NCOA2: variants seen among roughly 807,000 people sequenced by gnomAD.
NCOA2 encodes the protein nuclear receptor coactivator 2, also known as class E basic helix-loop-helix protein 75.
Under a neutral mutation model 145.1 loss-of-function variants are expected in NCOA2, and 21 were observed. That is an observed-to-expected ratio of 0.14 (90% CI 0.10 to 0.21). The LOEUF is 0.21. Among genes scored for constraint, NCOA2 ranks in the 10% least tolerant of loss-of-function variants. The pLI, the probability that NCOA2 is intolerant of heterozygous loss-of-function variation, is 1.00. For synonymous variants in NCOA2, 619 were observed against 637.5 expected (o/e 0.97, Z 0.44); for missense variants, 1,472 against 1,837.6 (o/e 0.80, Z 3.64).
intron 1 of NCOA2, chr8:70,402,402 G>T (rs1048122294): frequency 6.6e-6 from 1 of 152,464 alleles, no homozygotes; most frequent in Non-Finnish European, 1.5e-5. Flanking sequence ...AGCGGAAGGG[G>T]GCTCCAGTCC....
chr8:70,283,084 A>C (rs1826001065), intron 2 of NCOA2, among the ~76,000 whole-genome samples: 1 of 152,234 alleles, frequency 6.6e-6, no homozygotes, highest in African/African-American at 2.4e-5. Flanking sequence ...ATGCTGACTT[A>C]ACTCAGGATC....
At chr8:70,132,803 C>T (rs1177540194) in intron 15 of NCOA2, among the ~76,000 whole-genome samples, 4 of 152,156 alleles carry the variant, frequency 2.6e-5, no homozygotes, top group Non-Finnish European at 1.5e-5. Flanking sequence ...TGAGCTCAAG[C>T]GATCCACCCA....
intron 10 of NCOA2, among the ~76,000 whole-genome samples, chr8:70,158,713 C>T (rs746653945): frequency 1.3e-5 from 2 of 152,102 alleles, no homozygotes; most frequent in Non-Finnish European, 2.9e-5. Context: ...GATCGCGCCA[C>T]TGCACTCCAG....
At chr8:70,297,506 T>C (rs933814164) in intron 1 of NCOA2, among the ~76,000 whole-genome samples, 1 of 152,142 alleles carries the variant, frequency 6.6e-6, no homozygotes, top group African/African-American at 2.4e-5. Flanking sequence ...GCTAATCTTT[T>C]ATTTTTTGTA....
intron 2 of NCOA2, among the ~76,000 whole-genome samples, chr8:70,293,943 T>C (rs1826893058): frequency 6.6e-6 from 1 of 152,164 alleles, no homozygotes; most frequent in South Asian, 2.1e-4. Context: ...CACTCATAGA[T>C]ACAACTCTTT....
In NCOA2 at chr8:70,234,035, C is replaced by T. The variant is rs1278055449; in HGVS notation, c.-19-17271G>A. On this transcript the variant is annotated intron_variant, in intron 2 of 22. Coordinates refer to ENST00000452400, the MANE Select transcript of NCOA2 (RefSeq NM_006540.4). Reference sequence around the variant, plus strand: ...AATCCCCATTCTCTCCTCTCCCAGCCCCTCACAGCCACTGATCTACTCTCT... The same window carrying T: ...AATCCCCATTCTCTCCTCTCCCAGCTCCTCACAGCCACTGATCTACTCTCT... Among the ~76,000 whole-genome samples, 4 of 152,120 alleles carry T rather than the reference C, an allele frequency of 2.6e-5. No homozygotes were observed. In the South Asian group the frequency reaches 6.2e-4, roughly 24 times the overall value.
chr8:70,424,185 G>T, the NCOA2 span: 1 of 272,596 alleles, frequency 3.7e-6, no homozygotes, highest in Non-Finnish European at 7.1e-6. Flanking sequence ...TAATGTGCTG[G>T]CTTCAGACAC....
intron 15 of NCOA2, among the ~76,000 whole-genome samples, chr8:70,137,464 G>A (rs1450438050): frequency 6.6e-6 from 1 of 152,176 alleles, no homozygotes; most frequent in African/African-American, 2.4e-5. Flanking sequence ...AACAGGTGGT[G>A]GATTTAATTA....
chr8:70,183,735 C>T (rs1409024490), intron 4 of NCOA2, among the ~76,000 whole-genome samples: 1 of 152,234 alleles, frequency 6.6e-6, no homozygotes, highest in Non-Finnish European at 1.5e-5. Context: ...CGCCGTGCTT[C>T]TGTGATGCCC....
At chr8:70,304,980 CT>C (rs1315272864) in intron 1 of NCOA2, among the ~76,000 whole-genome samples, 3 of 151,578 alleles carry the variant, frequency 2.0e-5, no homozygotes, top group African/African-American at 7.3e-5. Context: ...TGTCGGCCTC[CT>C]GAGTAGCTAG....
chr8:70,147,125 CGCGTGTGT>C (rs1227948491), intron 12 of NCOA2, among the ~76,000 whole-genome samples: 55 of 145,406 alleles, frequency 3.8e-4, no homozygotes, highest in African/African-American at 1.0e-3. Context: ...CGCGCGCGCG[CGCGTGTGT>C]GTGTGTGTGT....
At chr8:70,247,909 T>A (rs1476909970) in intron 2 of NCOA2, among the ~76,000 whole-genome samples, 1 of 152,250 alleles carries the variant, frequency 6.6e-6, no homozygotes, top group Non-Finnish European at 1.5e-5. Flanking sequence ...TCAAGATGTA[T>A]TGCTGTTAGC....
At chr8:70,196,312 G>T (rs1817306541) in intron 4 of NCOA2, among the ~76,000 whole-genome samples, 1 of 152,140 alleles carries the variant, frequency 6.6e-6, no homozygotes, top group Admixed American at 6.5e-5. Context: ...GGAGGCGGAG[G>T]TTGCAGTGAG....
chr8:70,183,207 A>C (rs765430968), intron 4 of NCOA2, among the ~76,000 whole-genome samples: 1 of 152,238 alleles, frequency 6.6e-6, no homozygotes, highest in Non-Finnish European at 1.5e-5. Context: ...AGATTAGATG[A>C]AAGAAGGAAA....
At chr8:70,403,589 T>G (rs1454064867) in intron 1 of NCOA2, 111 bp downstream of exon 1, 1 of 317,806 alleles carries the variant, frequency 3.1e-6, no homozygotes, top group Non-Finnish European at 5.7e-6. Flanking sequence ...CACGGCTCTG[T>G]CGGAGCTCGG....
At chr8:70,371,601 T>C (rs938876442) in intron 1 of NCOA2, among the ~76,000 whole-genome samples, 4 of 152,350 alleles carry the variant, frequency 2.6e-5, no homozygotes, top group African/African-American at 9.6e-5. Flanking sequence ...AATATTCTGA[T>C]ACAGGATATT....
chr8:70,164,887 C>T (rs899522089), intron 7 of NCOA2, among the ~76,000 whole-genome samples: 6 of 151,732 alleles, frequency 4.0e-5, no homozygotes, highest in Admixed American at 6.6e-5. Context: ...CTATGACACA[C>T]GTAGTAGCAT....
intron 11 of NCOA2, among the ~76,000 whole-genome samples, chr8:70,149,415 ATT>A (rs780178075): frequency 2.2e-5 from 3 of 137,384 alleles, no homozygotes; most frequent in Admixed American, 7.3e-5. Flanking sequence ...TAATTTTTTG[ATT>A]TTTTTTTTTT....
chr8:70,288,459 A>G (rs944757819), intron 2 of NCOA2, among the ~76,000 whole-genome samples: 2 of 152,120 alleles, frequency 1.3e-5, no homozygotes, highest in African/African-American at 2.4e-5. Flanking sequence ...GCGCACCTTT[A>G]GTCACAGCTA....
Sources: gnomAD v4.1 joint callset for allele counts (sites outside exome capture counted in the v4.1 genomes callset) on GRCh38, gnomAD v4.1.1 for gene constraint, MANE v1.5 for transcripts, NCBI Gene and HGNC (gene_info 2026-07-23, HGNC 2026-07-21) for gene names.